The following PRKRA variants were observed in gnomAD, a reference collection of about 807,000 sequenced individuals.
PRKRA encodes the protein protein activator of interferon induced protein kinase EIF2AK2.
PRKRA carries 22 observed loss-of-function variants against 32.4 expected under a neutral mutation model. The ratio of observed to expected loss-of-function variants is 0.68; its 90% CI spans 0.49 to 0.97. The LOEUF (loss-of-function observed/expected upper bound fraction) is 0.97, where lower values mean the gene tolerates loss of function less well. Ranked by LOEUF, PRKRA falls within the 50% of genes least tolerant of loss-of-function variation. The probability of loss-of-function intolerance (pLI) is 0.00; values close to 1 mark genes in which losing one functional copy is unlikely to be tolerated. For synonymous variants in PRKRA, 139 were observed against 129.8 expected, an observed-to-expected ratio of 1.07 and a Z score of -0.48; for missense variants, 319 against 375.6, an observed-to-expected ratio of 0.85 and a Z score of 1.25.
chr2:178,436,679 A>C (rs1031414736), intron 6 of PRKRA, among the ~76,000 whole-genome samples: 2 of 152,186 alleles, frequency 1.3e-5, no homozygotes, highest in Admixed American at 1.3e-4. Context: ...AGCAATTTGC[A>C]GATTAAAATA....
At chr2:178,450,884 C>T (rs779673052) in intron 1 of PRKRA, 82 bp downstream of exon 1, 6 of 1,245,468 alleles carry the variant, frequency 4.8e-6, no homozygotes, top group Non-Finnish European at 6.1e-6. Flanking sequence ...ACCCAGAATG[C>T]CTCTGGAGGG....
intron 1 of PRKRA, 101 bp from the exon 2 acceptor site, chr2:178,450,512 C>T: frequency 7.1e-7 from 1 of 1,418,300 alleles, no homozygotes; most frequent in Non-Finnish European, 9.5e-7. Context: ...ACGAGGGAGG[C>T]GCCGAGTTCC....
At chr2:178,432,554 T>TA (rs939071807) in intron 7 of PRKRA, among the ~76,000 whole-genome samples, 3 of 152,098 alleles carry the variant, frequency 2.0e-5, no homozygotes, top group African/African-American at 7.2e-5. Context: ...TTCCTACACT[T>TA]AAAAAAATAA....
chr2:178,441,493 G>T, intron 6 of PRKRA, 117 bp downstream of exon 6: 1 of 870,562 alleles, frequency 1.1e-6, no homozygotes, highest in Non-Finnish European at 1.9e-6. Context: ...ACTGAATAAT[G>T]AAGAGATTTC....
rs1293335092 is a variant in PRKRA at position 178,450,392 on chromosome 2, C to T, written c.85G>A (p.Ala29Thr). The T allele has an allele frequency of 3.1e-6, 5 of 1,614,156 alleles. No individual in the cohort carries two copies. The African/African-American group carries it at 6.7e-5, about 22-fold the overall frequency. The change falls in exon 2 of 8, where the codon GCT becomes ACT. Residue 29 changes from alanine to threonine, a missense_variant. Ala to Thr is a moderately conservative substitution (Grantham distance 58). Transcript: ENST00000325748. The part of the protein sequence containing the change: ...GTFSLGKMIT[A>T]KPGKTPIQVL... ...TGAATCGGTGTTTTCCCTGGCTTAGCTGTTATCATCTTCCCCAAACTGCAA... is the reference window on the plus strand; with the variant it reads ...TGAATCGGTGTTTTCCCTGGCTTAGTTGTTATCATCTTCCCCAAACTGCAA...
At chr2:178,449,273 T>TG in intron 2 of PRKRA, among the ~76,000 whole-genome samples, 1 of 152,318 alleles carries the variant, frequency 6.6e-6, no homozygotes, top group Non-Finnish European at 1.5e-5. Flanking sequence ...ATGGTTCCCA[T>TG]GGGGACCCTT....
intron 1 of PRKRA, 80 bp downstream of exon 1, chr2:178,450,886 T>A: frequency 6.7e-7 from 1 of 1,503,458 alleles, no homozygotes; most frequent in Non-Finnish European, 8.8e-7. Context: ...CCAGAATGCC[T>A]CTGGAGGGCC....
At chr2:178,433,699 G>A (rs1440669106) in intron 7 of PRKRA, 2 of 152,200 alleles carry the variant, frequency 1.3e-5, no homozygotes, top group East Asian at 1.9e-4. Flanking sequence ...ATGTTGCCCA[G>A]GTGGTCTCAA....
chr2:178,450,765 C>T, intron 1 of PRKRA: 1 of 1,348,644 alleles, frequency 7.4e-7, no homozygotes, highest in Non-Finnish European at 9.5e-7. Flanking sequence ...CGCGCGCCGC[C>T]AGGGACCACG....
intron 7 of PRKRA, chr2:178,434,047 A>T (rs1212675860): frequency 1.3e-5 from 2 of 152,042 alleles, no homozygotes; most frequent in Non-Finnish European, 2.9e-5. Context: ...CTGTATTCTA[A>T]ACCCTCAATG....
intron 6 of PRKRA, among the ~76,000 whole-genome samples, chr2:178,438,346 A>G (rs906498909): frequency 5.9e-5 from 9 of 152,212 alleles, no homozygotes; most frequent in African/African-American, 1.9e-4. Context: ...ATATATATAT[A>G]TAGCCCCCAC....
At chr2:178,437,101 G>A (rs1011779404) in intron 6 of PRKRA, among the ~76,000 whole-genome samples, 2 of 152,088 alleles carry the variant, frequency 1.3e-5, no homozygotes, top group Non-Finnish European at 1.5e-5. Flanking sequence ...GCACGACAGA[G>A]GGGAGGCAAT....
rs1414604662 is a variant in PRKRA at position 178,432,222 on chromosome 2, G to A, written c.817C>T (p.Leu273Phe). 6.2e-7 allele frequency: 1 copy of A among 1,614,150 alleles called. No homozygotes were observed. The highest frequency in any genetic ancestry group is 1.3e-5 in the African/African-American group (1 of 74,956). Residue 273 changes from leucine to phenylalanine, a missense_variant, in exon 8 of 8, where the codon CTT becomes TTT. Physicochemically the swap from Leu to Phe is conservative, Grantham distance 22. Transcript: ENST00000325748. ...ATGGGGCTGGTGGACAGTTCAGCAA[G>A]ACATTGATATTGTCCATTGGCGCTC... ...ELSANGQYQC[L>F]AELSTSPITV...
intron 6 of PRKRA, chr2:178,439,607 T>A (rs1697039721): frequency 6.6e-6 from 1 of 152,214 alleles, no homozygotes; most frequent in Non-Finnish European, 1.5e-5. Context: ...CTTGTCTAAT[T>A]TGTTTTTAAT....
In PRKRA at chr2:178,444,585, CTA is replaced by C. The variant is rs1697246905; in HGVS notation, c.318-87_318-86del. The stretch of plus-strand genomic sequence containing the variant: ...TGACAAGCATTTTCTAATTAACTCT[CTA>C]TGTCTTTGCTCTTGTCATTCCTTCT... On this transcript the variant is annotated intron_variant, in intron 3 of 7. Coordinates refer to ENST00000325748, the MANE Select transcript of PRKRA (RefSeq NM_003690.5). 6.0e-6 allele frequency: 5 copies of C among 830,056 alleles called. No homozygotes were observed. The Admixed American group carries it at 1.3e-4, about 21-fold the overall frequency. The allele number at this position is 830,056 out of a possible 1,614,324, so 51.4% of individuals were successfully genotyped here. A position where few individuals can be genotyped will look rare whatever the true frequency, so the allele number is the denominator to read the frequency against.
At chr2:178,433,861 G>C (rs1051628772) in intron 7 of PRKRA, 4 of 152,152 alleles carry the variant, frequency 2.6e-5, no homozygotes, top group African/African-American at 9.7e-5. Flanking sequence ...CAAATTAACA[G>C]ACTGTGGTTT....
intron 6 of PRKRA, among the ~76,000 whole-genome samples, chr2:178,436,923 C>T (rs1381973638): frequency 1.3e-5 from 2 of 152,126 alleles, no homozygotes; most frequent in African/African-American, 4.8e-5. Flanking sequence ...TGCTTTTCCT[C>T]TTTCCTTTAT....
chr2:178,431,868 T>C lies in PRKRA; in HGVS notation c.*229A>G. The C allele has an allele frequency of 1.7e-6, 1 of 582,802 alleles. No individual in the cohort carries two copies. The highest frequency in any genetic ancestry group is 2.0e-5 in the South Asian group (1 of 49,226). The allele number at this position is 582,802 out of a possible 1,614,324, so 36.1% of individuals were successfully genotyped here. A position where few individuals can be genotyped will look rare whatever the true frequency, so the allele number is the denominator to read the frequency against. The stretch of plus-strand genomic sequence containing the variant: ...TGGCACTGTAAAATGGGTGCTACAC[T>C]CTCTCTTGTGGTACAAAGTTTATAA... On this transcript the variant is annotated 3_prime_UTR_variant, in exon 8 of 8. Transcript: ENST00000325748.
intron 3 of PRKRA, among the ~76,000 whole-genome samples, chr2:178,446,992 CAAAAAAAAA>C (rs780283451): frequency 2.2e-5 from 1 of 46,088 alleles, no homozygotes; most frequent in Admixed American, 2.5e-4. Context: ...GACTCCGTCT[CAAAAAAAAA>C]AAAAAAAAAA....
Sources: gnomAD v4.1 joint callset for allele counts (sites outside exome capture counted in the v4.1 genomes callset) on GRCh38, gnomAD v4.1.1 for gene constraint, MANE v1.5 for transcripts, NCBI Gene and HGNC (gene_info 2026-07-23, HGNC 2026-07-21) for gene names.